GIPC2: variants seen among roughly 807,000 people sequenced by gnomAD.
GIPC2 encodes the protein PDZ domain-containing protein GIPC2.
In GIPC2, 30 loss-of-function variants were observed where a neutral mutation model predicts 30.6. That is an observed-to-expected ratio of 0.98 (90% CI 0.73 to 1.33). The LOEUF (loss-of-function observed/expected upper bound fraction) is 1.33. Ranked by LOEUF, GIPC2 falls within the 40% of genes most tolerant of loss-of-function variation. The pLI is 0.00. For missense variants in GIPC2, 414 were observed against 390.3 expected, an observed-to-expected ratio of 1.06 and a Z score of -0.51; for synonymous variants, 167 against 150.0, an observed-to-expected ratio of 1.11 and a Z score of -0.83.
chr1:78,080,900 A>C (rs1431556371), intron 2 of GIPC2, 40 bp downstream of exon 2: 2 of 1,201,096 alleles, frequency 1.7e-6, no homozygotes, highest in East Asian at 2.6e-5. Context: ...AATTGAGGAT[A>C]ACATTTAAGA....
chr1:78,114,193 G>T (rs924935601), intron 3 of GIPC2, among the ~76,000 whole-genome samples: 1 of 152,194 alleles, frequency 6.6e-6, no homozygotes, highest in African/African-American at 2.4e-5. Flanking sequence ...GAGTCAGCTA[G>T]CTAGCTGCAG....
At chr1:78,049,959 T>A (rs1661165810) in intron 1 of GIPC2, among the ~76,000 whole-genome samples, 1 of 146,820 alleles carries the variant, frequency 6.8e-6, no homozygotes, top group Non-Finnish European at 1.5e-5. Flanking sequence ...TGCAACGGTG[T>A]GATCGTGGCT....
At chr1:78,046,465 C>T (rs1416514039) in intron 1 of GIPC2, 131 bp downstream of exon 1, 1 of 790,692 alleles carries the variant, frequency 1.3e-6, no homozygotes, top group South Asian at 1.6e-5. Context: ...TTGAGTCCGC[C>T]GGGGGCGTCC....
At chr1:78,091,823 A>G in intron 2 of GIPC2, 7 of 777,338 alleles carry the variant, frequency 9.0e-6, no homozygotes, top group South Asian at 8.0e-5. Context: ...TGAAGCTGAT[A>G]ATAGAAGGAT....
chr1:78,050,038 A>G (rs943350937), intron 1 of GIPC2, among the ~76,000 whole-genome samples: 10 of 151,806 alleles, frequency 6.6e-5, no homozygotes, highest in African/African-American at 1.9e-4. Context: ...CTGGGATTAC[A>G]GGCACACGCC....
chr1:78,137,346 T>C lies in GIPC2; in HGVS notation c.*1603T>C, dbSNP rs992947230. On this transcript the variant is annotated 3_prime_UTR_variant, in exon 6 of 6. Transcript: ENST00000370759. ...AAAGACACAAAAAAAGAGCTGTTAT[T>C]TTTAGGCATAAGATGACTTAGGAGG... is the stretch of plus-strand genomic sequence containing the variant. 2 of 152,184 alleles carry C rather than the reference T, an allele frequency of 1.3e-5. No individual in the cohort carries two copies. Among genetic ancestry groups the C allele is most frequent in the African/African-American group, 2.4e-5 (1 of 41,450 alleles). The allele number at this position is 152,184 out of a possible 1,614,324, so 9.4% of individuals were successfully genotyped here.
chr1:78,113,892 A>G (rs962942968), intron 3 of GIPC2, among the ~76,000 whole-genome samples: 3 of 142,896 alleles, frequency 2.1e-5, no homozygotes, highest in African/African-American at 7.8e-5. Flanking sequence ...ACTCATTCTT[A>G]TGGAGTCTAT....
intron 1 of GIPC2, among the ~76,000 whole-genome samples, chr1:78,061,560 G>C (rs972992100): frequency 1.3e-5 from 2 of 151,922 alleles, no homozygotes; most frequent in African/African-American, 4.8e-5. Flanking sequence ...GGGTGCAGTG[G>C]TGCGATCTGG....
At chr1:78,072,179 TA>T (rs1661633774) in intron 1 of GIPC2, among the ~76,000 whole-genome samples, 1 of 152,246 alleles carries the variant, frequency 6.6e-6, no homozygotes, top group Non-Finnish European at 1.5e-5. Context: ...TTAAATGAGG[TA>T]ACATATGAAA....
At chr1:78,099,661 A>G (rs1432171907) in intron 3 of GIPC2, among the ~76,000 whole-genome samples, 1 of 151,966 alleles carries the variant, frequency 6.6e-6, no homozygotes, top group East Asian at 1.9e-4. Flanking sequence ...GATGGTCTCA[A>G]TCTCCTGACC....
At chr1:78,078,016 G>A (rs1378977163) in intron 1 of GIPC2, among the ~76,000 whole-genome samples, 1 of 151,122 alleles carries the variant, frequency 6.6e-6, no homozygotes, top group Non-Finnish European at 1.5e-5. Flanking sequence ...GTGAAACCCC[G>A]TCTCTACTAA....
intron 1 of GIPC2, among the ~76,000 whole-genome samples, chr1:78,076,218 T>G (rs1404165632): frequency 6.6e-6 from 1 of 152,188 alleles, no homozygotes; most frequent in Non-Finnish European, 1.5e-5. Flanking sequence ...AAGAGAAGTT[T>G]CCAAAGGAAA....
chr1:78,108,658 T>G (rs1470696215), intron 3 of GIPC2, among the ~76,000 whole-genome samples: 1 of 152,146 alleles, frequency 6.6e-6, no homozygotes, highest in Non-Finnish European at 1.5e-5. Context: ...AGAGGAAGGA[T>G]GCAGGGAGAA....
At chr1:78,056,484 A>G (rs923455529) in intron 1 of GIPC2, among the ~76,000 whole-genome samples, 1 of 152,182 alleles carries the variant, frequency 6.6e-6, no homozygotes, top group Admixed American at 6.5e-5. Flanking sequence ...AAAAAAACAA[A>G]AGAAAAAATT....
intron 4 of GIPC2, among the ~76,000 whole-genome samples, chr1:78,123,892 A>G (rs551721463): frequency 2.6e-4 from 40 of 152,268 alleles, no homozygotes; most frequent in Non-Finnish European, 4.6e-4. Flanking sequence ...TAATGAAGGC[A>G]AGAGCAATAT....
chr1:78,130,654 T>C (rs1662876720), intron 5 of GIPC2, among the ~76,000 whole-genome samples: 1 of 152,190 alleles, frequency 6.6e-6, no homozygotes, highest in Non-Finnish European at 1.5e-5. Context: ...GCAATAATGA[T>C]GACTAATCTT....
rs377170634 is a variant in GIPC2, at chr1:78,105,391, A to C, written c.607+10259A>C. Among the ~76,000 whole-genome samples the C allele has an allele frequency of 1.3e-4, 19 of 150,940 alleles. No individual in the cohort carries two copies. The South Asian group carries it at 1.9e-3, about 15-fold the overall frequency. On this transcript the variant is annotated intron_variant, in intron 3 of 5. Coordinates refer to ENST00000370759, the MANE Select transcript of GIPC2 (RefSeq NM_017655.6). ...AACCTCCGCCTCCTGGGTTCAAGCC[A>C]TTCTCCTGCCTCAGCCTCCTGAGTA... is the stretch of plus-strand genomic sequence containing the variant.
At chr1:78,050,109 T>G (rs187530860) in intron 1 of GIPC2, among the ~76,000 whole-genome samples, 2,702 of 152,122 alleles carry the variant, frequency 0.018, 63 homozygotes, top group South Asian at 0.11. Context: ...TTGGCCAGGC[T>G]GGTCTCAAAC....
rs559602208 is a variant in GIPC2, at chr1:78,103,550, T to C, written c.607+8418T>C. 4.6e-5 allele frequency among the ~76,000 whole-genome samples: 7 copies of C among 152,328 alleles called. No individual in the cohort carries two copies. In the East Asian group the frequency reaches 1.2e-3, roughly 25 times the overall value. On this transcript the variant is annotated intron_variant, in intron 3 of 5. Transcript: ENST00000370759. ...ATGAGGGTTTTTCAGCTAGGTAAACTGAGGCTTGGGCAGTTAATTCATTAA... is the reference window on the plus strand; with the variant it reads ...ATGAGGGTTTTTCAGCTAGGTAAACCGAGGCTTGGGCAGTTAATTCATTAA...
Sources: allele counts gnomAD v4.1 joint callset (sites outside exome capture counted in the v4.1 genomes callset), GRCh38; gene constraint gnomAD v4.1.1; transcripts MANE v1.5; gene names NCBI Gene and HGNC (gene_info 2026-07-23, HGNC 2026-07-21).